The following POTEJ variants were observed in gnomAD, a reference collection of about 807,000 sequenced individuals.
The protein encoded by POTEJ is POTE ankyrin domain family, member J.
POTEJ carries 11 observed loss-of-function variants against 69.0 expected under a neutral mutation model. The ratio of observed to expected loss-of-function variants is 0.16; its 90% CI spans 0.10 to 0.26. POTEJ has a LOEUF of 0.26. Among genes scored for constraint, POTEJ ranks in the 10% least tolerant of loss-of-function variants. The probability of loss-of-function intolerance (pLI) is 1.00; values close to 1 mark genes in which losing one functional copy is unlikely to be tolerated. For missense variants in POTEJ, 327 were observed against 1,045.5 expected (o/e 0.31, Z 9.48); for synonymous variants, 117 against 381.1 (o/e 0.31, Z 8.07).
At chr2:130,618,447 G>A (rs1685441620) in intron 3 of POTEJ, among the ~76,000 whole-genome samples, 1 of 147,204 alleles carries the variant, frequency 6.8e-6, no homozygotes, top group African/African-American at 2.5e-5. Flanking sequence ...ATTTGAAAAT[G>A]TTTCCTTGAA....
intron 1 of POTEJ, among the ~76,000 whole-genome samples, chr2:130,614,714 A>G (rs1452670696): frequency 8.2e-6 from 1 of 121,844 alleles, no homozygotes; most frequent in Admixed American, 8.2e-5. Context: ...GTTAAGGTTC[A>G]TTACTAATGC....
At chr2:130,655,379 G>A (rs1686948334) in intron 14 of POTEJ, among the ~76,000 whole-genome samples, 1 of 152,190 alleles carries the variant, frequency 6.6e-6, no homozygotes, top group Admixed American at 6.5e-5. Flanking sequence ...TTTAAAAAAT[G>A]TTAATAGAGA....
At chr2:130,636,214 A>G (rs1327004411) in intron 9 of POTEJ, among the ~76,000 whole-genome samples, 2 of 152,012 alleles carry the variant, frequency 1.3e-5, no homozygotes, top group Non-Finnish European at 2.9e-5. Context: ...CACCTTTCTA[A>G]GAAGAAGAAA....
intron 6 of POTEJ, among the ~76,000 whole-genome samples, chr2:130,628,877 G>A (rs547935841): frequency 2.7e-5 from 4 of 145,456 alleles, no homozygotes; most frequent in East Asian, 3.9e-4. Flanking sequence ...AATTAGCAGG[G>A]CCTGATGGTG....
Position 130,645,590 on chromosome 2 carries a change from T to A in POTEJ, c.1441-147T>A, listed in dbSNP as rs1473376998. ...AATTTTAATTATTATTTATTTATTT[T>A]AACAGTTTAATTTTAATTACTTTCT... On this transcript the variant is annotated intron_variant, in intron 11 of 14. Coordinates refer to ENST00000409602, the MANE Select transcript of POTEJ (RefSeq NM_001277083.2). 72 of 441,882 alleles carry A rather than the reference T, an allele frequency of 1.6e-4. 1 individual carries two copies. The highest frequency in any genetic ancestry group is 7.4e-4 in the East Asian group (14 of 19,006). The allele number at this position is 441,882 out of a possible 1,614,324, so 27.4% of individuals were successfully genotyped here.
chr2:130,657,580 T>C lies in POTEJ; in HGVS notation c.2820T>C (p.Thr940=), dbSNP rs1687061850. Residue 940 remains threonine, a synonymous_variant, in exon 15 of 15, where the codon ACT becomes ACC. Coordinates refer to ENST00000409602, the MANE Select transcript of POTEJ (RefSeq NM_001277083.2). ...LGMESCGIHE[T]TFNSIMKSDV... is the part of the protein sequence containing the mutation. ...TGGAATCCTGTGGCATCCATGAAAC[T>C]ACCTTCAACTCCATCATGAAGTCTG... The C allele has an allele frequency of 6.5e-7, 1 of 1,541,846 alleles. No individual in the cohort carries two copies.
Position 130,636,946 on chromosome 2 carries a change from G to A in POTEJ, c.1299-1673G>A, listed in dbSNP as rs980483744. 1.9e-4 allele frequency among the ~76,000 whole-genome samples: 28 copies of A among 146,768 alleles called. 2 individuals are homozygous for A. The highest frequency in any genetic ancestry group is 3.4e-4 in the Non-Finnish European group (22 of 65,314). ...ACAAAAAAATTAACCGGGTGTGGTG[G>A]CATGCGCCTGTAGTCCCAGCTGCTA... On this transcript the variant is annotated intron_variant, in intron 9 of 14. Transcript: ENST00000409602.
At chr2:130,626,598 A>G (rs1170095367) in intron 6 of POTEJ, among the ~76,000 whole-genome samples, 4 of 152,108 alleles carry the variant, frequency 2.6e-5, no homozygotes, top group African/African-American at 4.8e-5. Flanking sequence ...TATTTACAAA[A>G]CCATAAGGCA....
intron 6 of POTEJ, among the ~76,000 whole-genome samples, 157 bp downstream of exon 6, chr2:130,624,291 A>T (rs1685625875): frequency 7.1e-6 from 1 of 141,526 alleles, no homozygotes. Context: ...GCTACTTTAT[A>T]TTATTATCAC....
chr2:130,618,609 C>T (rs1201553266), intron 3 of POTEJ, among the ~76,000 whole-genome samples: 1 of 146,674 alleles, frequency 6.8e-6, no homozygotes, highest in African/African-American at 2.7e-5. Context: ...ACGACGACAA[C>T]AACAACAATT....
chr2:130,651,797 T>C lies in POTEJ; in HGVS notation c.1668-3124T>C, dbSNP rs1178282085. Among the ~76,000 whole-genome samples the C allele has an allele frequency of 8.2e-5, 12 of 145,584 alleles. 1 individual carries two copies. Among genetic ancestry groups the C allele is most frequent in the Non-Finnish European group, 7.6e-5 (5 of 65,668 alleles). On this transcript the variant is annotated intron_variant, in intron 13 of 14. Coordinates refer to ENST00000409602, the MANE Select transcript of POTEJ (RefSeq NM_001277083.2). ...GATATTGTTATGCATTTTTATCTCA[T>C]TAAAAAGTTGTTACAATTTTCTGCT...
intron 6 of POTEJ, among the ~76,000 whole-genome samples, chr2:130,627,004 T>C (rs1685735566): frequency 6.6e-6 from 1 of 152,160 alleles, no homozygotes; most frequent in Non-Finnish European, 1.5e-5. Context: ...GTCAATATGA[T>C]TTAGTAATAA....
chr2:130,647,080 C>A (rs182225152), intron 13 of POTEJ, among the ~76,000 whole-genome samples: 6 of 150,620 alleles, frequency 4.0e-5, no homozygotes, highest in Admixed American at 3.9e-4. Context: ...AGTCTAATTG[C>A]TTATCAATAG....
chr2:130,646,544 C>T (rs1381654815), intron 13 of POTEJ, among the ~76,000 whole-genome samples: 1 of 143,072 alleles, frequency 7.0e-6, no homozygotes, highest in Non-Finnish European at 1.5e-5. Flanking sequence ...ATTTTCTTCT[C>T]TTTTCAGTGA....
chr2:130,627,010 A>G (rs1374436758), intron 6 of POTEJ, among the ~76,000 whole-genome samples: 4 of 152,172 alleles, frequency 2.6e-5, no homozygotes, highest in Admixed American at 1.3e-4. Flanking sequence ...ATGATTTAGT[A>G]ATAATTGAAT....
chr2:130,637,236 CTATT>C (rs1449947541), intron 9 of POTEJ, among the ~76,000 whole-genome samples: 3 of 151,414 alleles, frequency 2.0e-5, no homozygotes, highest in South Asian at 2.1e-4. Context: ...TGGTTATTCA[CTATT>C]TATTCTTTAA....
At chr2:130,642,828 G>A (rs1405984697) in intron 10 of POTEJ, among the ~76,000 whole-genome samples, 3 of 151,550 alleles carry the variant, frequency 2.0e-5, no homozygotes, top group Non-Finnish European at 1.5e-5. Context: ...CCTCGCTCCC[G>A]CTCTTGCTGC....
Position 130,657,025 on chromosome 2 carries a change from C to A in POTEJ, c.2265C>A (p.Asn755Lys), listed in dbSNP as rs547361093. Residue 755 changes from asparagine to lysine, a missense_variant, in exon 15 of 15, where the codon AAC becomes AAA. Transcript: ENST00000409602. ...MEKIWHHTFY[N>K]ELRVAPEEHP... ...AGATCTGGCACCACACCTTCTACAA[C>A]GAGCTGCGTGTGGCCCCCGAGGAGC... 8 of 1,555,370 alleles carry A rather than the reference C, an allele frequency of 5.1e-6. No individual in the cohort carries two copies. The African/African-American group carries it at 6.3e-5, about 12-fold the overall frequency.
chr2:130,615,762 A>G (rs1685391193), intron 1 of POTEJ, among the ~76,000 whole-genome samples: 1 of 149,138 alleles, frequency 6.7e-6, no homozygotes, highest in South Asian at 2.1e-4. Flanking sequence ...CCCTGAATGT[A>G]AAAGTTGAAA....
Sources: gnomAD v4.1 joint callset for allele counts (sites outside exome capture counted in the v4.1 genomes callset) on GRCh38, gnomAD v4.1.1 for gene constraint, MANE v1.5 for transcripts, NCBI Gene and HGNC (gene_info 2026-07-23, HGNC 2026-07-21) for gene names.